KLHL3: variants seen among roughly 807,000 people sequenced by gnomAD.
KLHL3 encodes kelch-like protein 3.
KLHL3 carries 19 observed loss-of-function variants against 70.5 expected under a neutral mutation model. The ratio of observed to expected loss-of-function variants is 0.27; its 90% CI spans 0.19 to 0.40. The LOEUF (loss-of-function observed/expected upper bound fraction) is 0.40. KLHL3 is among the 10% of genes least tolerant of loss of function. The pLI is 1.00. For missense variants in KLHL3, 512 were observed against 771.1 expected, an observed-to-expected ratio of 0.66 and a Z score of 3.98; for synonymous variants, 258 against 290.3, an observed-to-expected ratio of 0.89 and a Z score of 1.13.
chr5:137,651,541 A>G (rs1751201494), intron 8 of KLHL3, among the ~76,000 whole-genome samples: 1 of 152,242 alleles, frequency 6.6e-6, no homozygotes, highest in Admixed American at 6.5e-5. Context: ...ACTGAAAACT[A>G]TAAAACACTG....
chr5:137,720,327 G>A, intron 2 of KLHL3, 138 bp downstream of exon 2: 2 of 973,450 alleles, frequency 2.1e-6, no homozygotes, highest in Non-Finnish European at 3.1e-6. Flanking sequence ...AGAAAGAAAG[G>A]GGAACTCAAG....
intron 8 of KLHL3, among the ~76,000 whole-genome samples, chr5:137,644,964 C>T (rs931673874): frequency 7.2e-5 from 11 of 152,040 alleles, no homozygotes; most frequent in East Asian, 1.9e-4. Context: ...GATCATTTAC[C>T]GTGATCAAAT....
intron 2 of KLHL3, 148 bp downstream of exon 2, chr5:137,720,317 A>T: frequency 1.2e-6 from 1 of 867,202 alleles, no homozygotes; most frequent in Non-Finnish European, 1.7e-6. Context: ...AAAAAAAGAG[A>T]GAAAGAAAGG....
intron 2 of KLHL3, among the ~76,000 whole-genome samples, chr5:137,712,583 A>G (rs1752814200): frequency 6.6e-6 from 1 of 152,226 alleles, no homozygotes; most frequent in Non-Finnish European, 1.5e-5. Context: ...TAGTAGCTCT[A>G]AAGCACTGCA....
intron 14 of KLHL3, among the ~76,000 whole-genome samples, chr5:137,622,549 C>A (rs762983296): frequency 6.6e-6 from 1 of 152,246 alleles, no homozygotes; most frequent in Non-Finnish European, 1.5e-5. Flanking sequence ...GAAAGTACAG[C>A]AGGCTGCCTT....
Position 137,620,478 on chromosome 5 carries a change from G to GT in KLHL3, c.*1619dup, listed in dbSNP as rs1750260529. 3 of 152,296 alleles carry GT rather than the reference G, an allele frequency of 2.0e-5. No individual in the cohort carries two copies. In the South Asian group the frequency reaches 6.2e-4, roughly 32 times the overall value. The allele number at this position is 152,296 out of a possible 1,614,324, so 9.4% of individuals were successfully genotyped here. A position where few individuals can be genotyped will look rare whatever the true frequency, so the allele number is the denominator to read the frequency against. Reference sequence around the variant, plus strand: ...GAAGTCCAACATCAGGATTTATAAAGTTCCTTGGCTTCCTGTAGGTGGATT... The same window carrying GT: ...GAAGTCCAACATCAGGATTTATAAAGTTTCCTTGGCTTCCTGTAGGTGGATT... On this transcript the variant is annotated 3_prime_UTR_variant, in exon 15 of 15. Transcript: ENST00000309755.
intron 8 of KLHL3, among the ~76,000 whole-genome samples, chr5:137,649,781 CATG>C (rs1282537048): frequency 6.6e-6 from 1 of 152,142 alleles, no homozygotes; most frequent in African/African-American, 2.4e-5. Flanking sequence ...GTGGCTGGCA[CATG>C]ATAAGTGCTC....
chr5:137,624,733 G>A (rs563672227), intron 14 of KLHL3, among the ~76,000 whole-genome samples: 64 of 152,294 alleles, frequency 4.2e-4, no homozygotes, highest in African/African-American at 1.5e-3. Context: ...TTCTGTGCAT[G>A]CTGGATCAAT....
intron 2 of KLHL3, among the ~76,000 whole-genome samples, chr5:137,719,812 T>C (rs1752962489): frequency 6.6e-6 from 1 of 152,092 alleles, no homozygotes; most frequent in Non-Finnish European, 1.5e-5. Context: ...TAATCTGCAA[T>C]TGTGTGTGGG....
chr5:137,652,724 A>G (rs1448157638), intron 8 of KLHL3, among the ~76,000 whole-genome samples: 1 of 152,214 alleles, frequency 6.6e-6, no homozygotes, highest in Non-Finnish European at 1.5e-5. Context: ...TGGGAGAAAT[A>G]CCTTCAAGAG....
At chr5:137,692,819 T>TACATAC (rs1752354463) in intron 4 of KLHL3, 1 of 167,390 alleles carries the variant, frequency 6.0e-6, no homozygotes, top group African/African-American at 2.5e-5. Flanking sequence ...AACAAAACTC[T>TACATAC]ACACACACAC....
chr5:137,723,044 T>C (rs996569994), intron 1 of KLHL3, among the ~76,000 whole-genome samples: 3 of 152,226 alleles, frequency 2.0e-5, no homozygotes, highest in African/African-American at 7.2e-5. Flanking sequence ...TTAAAACTTT[T>C]TATTTTTCTC....
intron 5 of KLHL3, among the ~76,000 whole-genome samples, chr5:137,678,558 T>A (rs1751944424): frequency 6.6e-6 from 1 of 152,180 alleles, no homozygotes; most frequent in African/African-American, 2.4e-5. Flanking sequence ...TAGGCTCAAG[T>A]GATCCTCCTG....
At chr5:137,649,253 T>C (rs1751138191) in intron 8 of KLHL3, among the ~76,000 whole-genome samples, 2 of 152,200 alleles carry the variant, frequency 1.3e-5, no homozygotes, top group South Asian at 4.1e-4. Context: ...GTGACTTGTA[T>C]CTAGCAAATA....
intron 3 of KLHL3, among the ~76,000 whole-genome samples, chr5:137,700,260 A>G (rs1752539866): frequency 6.6e-6 from 1 of 152,264 alleles, no homozygotes; most frequent in African/African-American, 2.4e-5. Flanking sequence ...TTAAGCTATT[A>G]AAAAGTTCAT....
intron 14 of KLHL3, among the ~76,000 whole-genome samples, chr5:137,625,446 T>C (rs1241117559): frequency 6.6e-6 from 1 of 152,254 alleles, no homozygotes; most frequent in Non-Finnish European, 1.5e-5. Flanking sequence ...AATTCTAAAA[T>C]CACTTGTGAC....
chr5:137,621,117 A>G lies in KLHL3; in HGVS notation c.*981T>C, dbSNP rs1750282346. The G allele has an allele frequency of 6.6e-6, 1 of 152,668 alleles. No individual in the cohort carries two copies. Among genetic ancestry groups the G allele is most frequent in the Non-Finnish European group, 1.5e-5 (1 of 68,056 alleles). 9.5% of individuals were successfully genotyped at this position (152,668 alleles called of 1,614,324 possible). ...TGCTGTGAATAATTAAACTGGGATA[A>G]TAAGTATAAATGGGGACTGTCCTGT... On this transcript the variant is annotated 3_prime_UTR_variant, in exon 15 of 15. Coordinates refer to ENST00000309755, the MANE Select transcript of KLHL3 (RefSeq NM_017415.3).
At chr5:137,702,939 G>T (rs1231718484) in intron 3 of KLHL3, among the ~76,000 whole-genome samples, 1 of 152,132 alleles carries the variant, frequency 6.6e-6, no homozygotes, top group Non-Finnish European at 1.5e-5. Context: ...TTTTTAGGTG[G>T]AAGACTGCCA....
At chr5:137,692,969 A>T (rs1752359577) in intron 4 of KLHL3, among the ~76,000 whole-genome samples, 1 of 152,192 alleles carries the variant, frequency 6.6e-6, no homozygotes, top group South Asian at 2.1e-4. Flanking sequence ...TGGCCTGGAC[A>T]TTAAGATGTT....
Sources: gnomAD v4.1 joint callset for allele counts (sites outside exome capture counted in the v4.1 genomes callset) on GRCh38, gnomAD v4.1.1 for gene constraint, MANE v1.5 for transcripts, NCBI Gene and HGNC (gene_info 2026-07-23, HGNC 2026-07-21) for gene names.